Variants in RUNX2 observed in about 807,000 individuals in gnomAD.
RUNX2 encodes the protein RUNX family transcription factor 2, also known as runt-related transcription factor 2.
In RUNX2, 10 loss-of-function variants were observed where a neutral mutation model predicts 51.7. The ratio of observed to expected loss-of-function variants is 0.19; its 90% CI spans 0.12 to 0.33. The LOEUF is 0.33. Among genes scored for constraint, RUNX2 ranks in the 10% least tolerant of loss-of-function variants. RUNX2 has a pLI of 1.00. For synonymous variants in RUNX2, 276 were observed against 273.6 expected, an observed-to-expected ratio of 1.01 and a Z score of -0.09; for missense variants, 562 against 691.3, an observed-to-expected ratio of 0.81 and a Z score of 2.10.
At chr6:45,450,822 A>G (rs1168111115) in intron 5 of RUNX2, among the ~76,000 whole-genome samples, 2 of 152,210 alleles carry the variant, frequency 1.3e-5, no homozygotes, top group African/African-American at 4.8e-5. Flanking sequence ...AGCAATGCCT[A>G]CATGGTTGGG....
At chr6:45,460,063 A>C (rs1002557845) in intron 5 of RUNX2, among the ~76,000 whole-genome samples, 1 of 152,212 alleles carries the variant, frequency 6.6e-6, no homozygotes, top group South Asian at 2.1e-4. Flanking sequence ...CGTGGAAGGC[A>C]CAGATCAAGT....
chr6:45,455,712 A>T (rs1345583245), intron 5 of RUNX2, among the ~76,000 whole-genome samples: 1 of 151,914 alleles, frequency 6.6e-6, no homozygotes, highest in Admixed American at 6.6e-5. Context: ...GTAAAGAGAG[A>T]CTCCCGTGAC....
chr6:45,376,803 T>C (rs1796840770), intron 2 of RUNX2, among the ~76,000 whole-genome samples: 1 of 151,796 alleles, frequency 6.6e-6, no homozygotes, highest in Non-Finnish European at 1.5e-5. Flanking sequence ...TCTTCCAGAG[T>C]CTGCCCTTCA....
chr6:45,355,993 T>C (rs917054207), intron 2 of RUNX2, among the ~76,000 whole-genome samples: 1 of 152,120 alleles, frequency 6.6e-6, no homozygotes, highest in African/African-American at 2.4e-5. Context: ...AATAGAACTC[T>C]ACTAGCCATG....
chr6:45,519,741 T>C (rs752484023), intron 7 of RUNX2, among the ~76,000 whole-genome samples: 9 of 151,774 alleles, frequency 5.9e-5, no homozygotes, highest in Non-Finnish European at 1.2e-4. Flanking sequence ...CATTTCATTC[T>C]ACCCCGAATT....
chr6:45,485,531 TA>T (rs1414323180), intron 5 of RUNX2, among the ~76,000 whole-genome samples: 1 of 151,808 alleles, frequency 6.6e-6, no homozygotes, highest in Non-Finnish European at 1.5e-5. Flanking sequence ...CAGATTCCCA[TA>T]GGTACTGCAT....
intron 5 of RUNX2, among the ~76,000 whole-genome samples, chr6:45,455,519 A>G (rs1799294740): frequency 6.6e-6 from 1 of 152,184 alleles, no homozygotes; most frequent in Non-Finnish European, 1.5e-5. Context: ...AGGGCTTTTG[A>G]GAATGCTAAG....
At chr6:45,532,350 G>A (rs1801885980) in intron 7 of RUNX2, among the ~76,000 whole-genome samples, 1 of 151,812 alleles carries the variant, frequency 6.6e-6, no homozygotes, top group Non-Finnish European at 1.5e-5. Flanking sequence ...GAATTTTAGA[G>A]CAGGGAAACC....
At position 45,437,853 on chromosome 6, in the gene RUNX2, A is replaced by T. The variant is rs77780637; in HGVS notation, c.581-94A>T. On this transcript the variant is annotated intron_variant, in intron 4 of 8. Coordinates refer to ENST00000647337, the MANE Select transcript of RUNX2 (RefSeq NM_001024630.4). ...TCTTTGTTTCATTGCCTCCTTAGAG[A>T]TGCTTAAATGCAATTTGGAAATCTA... The T allele has an allele frequency of 0.012, 11,242 of 911,564 alleles. 783 individuals are homozygous for T. The African/African-American group carries it at 0.16, about 13-fold the overall frequency. The allele number at this position is 911,564 out of a possible 1,614,324, so 56.5% of individuals were successfully genotyped here. A position where few individuals can be genotyped will look rare whatever the true frequency, so the allele number is the denominator to read the frequency against.
At chr6:45,468,465 C>T (rs561279384) in intron 5 of RUNX2, among the ~76,000 whole-genome samples, 4 of 152,278 alleles carry the variant, frequency 2.6e-5, no homozygotes, top group African/African-American at 9.6e-5. Context: ...AAGATTGATG[C>T]AGGTGCATAT....
chr6:45,519,790 ATGTGTGTGTG>A (rs35210688), intron 7 of RUNX2, among the ~76,000 whole-genome samples: 133 of 124,116 alleles, frequency 1.1e-3, no homozygotes, highest in Middle Eastern at 4.0e-3. Flanking sequence ...ATATATATAT[ATGTGTGTGTG>A]TGTGTGTGTG....
In RUNX2 at chr6:45,505,915, C is replaced by A. The variant is rs941352345; in HGVS notation, c.860-6331C>A. ...AATTCCATGCTTGTGACAGACTTTGCCTCGGTTGAAACACATGCTGAAGGG... is the reference window on the plus strand; with the variant it reads ...AATTCCATGCTTGTGACAGACTTTGACTCGGTTGAAACACATGCTGAAGGG... On this transcript the variant is annotated intron_variant, in intron 6 of 8. Transcript: ENST00000647337. Among the ~76,000 whole-genome samples the A allele has an allele frequency of 4.6e-5, 7 of 152,192 alleles. No individual in the cohort carries two copies. In the South Asian group the frequency reaches 1.4e-3, roughly 31 times the overall value.
intron 2 of RUNX2, among the ~76,000 whole-genome samples, chr6:45,407,593 A>T (rs1237239277): frequency 6.6e-6 from 1 of 152,238 alleles, no homozygotes; most frequent in South Asian, 2.1e-4. Flanking sequence ...CCTGGCCTCA[A>T]GAAATTCTCC....
At chr6:45,373,562 T>G (rs1796383650) in intron 2 of RUNX2, among the ~76,000 whole-genome samples, 1 of 152,164 alleles carries the variant, frequency 6.6e-6, no homozygotes, top group Admixed American at 6.5e-5. Context: ...TGTGTGTGTG[T>G]GGTTTTTGAG....
At chr6:45,333,478 G>A (rs1787926148) in intron 2 of RUNX2, among the ~76,000 whole-genome samples, 1 of 151,344 alleles carries the variant, frequency 6.6e-6, no homozygotes, top group Admixed American at 6.6e-5. Context: ...TATTTATTAA[G>A]GGCATAGGAC....
At chr6:45,474,606 C>T (rs978702137) in intron 5 of RUNX2, among the ~76,000 whole-genome samples, 1 of 151,886 alleles carries the variant, frequency 6.6e-6, no homozygotes, top group South Asian at 2.1e-4. Context: ...GTTGGTAATG[C>T]TGGGGAGTTG....
At chr6:45,370,013 A>AC (rs1795792730) in intron 2 of RUNX2, among the ~76,000 whole-genome samples, 1 of 152,200 alleles carries the variant, frequency 6.6e-6, no homozygotes, top group Non-Finnish European at 1.5e-5. Flanking sequence ...ACAGGAGTTT[A>AC]CATTTCACTT....
At chr6:45,367,640 T>A (rs1020167551) in intron 2 of RUNX2, among the ~76,000 whole-genome samples, 4 of 152,162 alleles carry the variant, frequency 2.6e-5, no homozygotes, top group African/African-American at 7.2e-5. Flanking sequence ...CATGTTAAAC[T>A]CAAAGAGTAA....
In RUNX2 at chr6:45,422,693, A is replaced by AAAG. The variant is rs1798238553; in HGVS notation, c.159_160insAAG (p.Gln53_Gln54insLys). On this transcript the variant is annotated inframe_insertion, in exon 3 of 9. Transcript: ENST00000647337. ...TGGTGGCTGCGCAACAGCAGCAGCA[A>AAAG]CAGCAGCAGCAGCAACAGCAGCAGC... 6.9e-6 allele frequency: 11 copies of AAAG among 1,601,486 alleles called. No individual in the cohort carries two copies. The South Asian group carries it at 1.1e-4, about 16-fold the overall frequency.
Sources: gnomAD v4.1 joint callset for allele counts (sites outside exome capture counted in the v4.1 genomes callset) on GRCh38, gnomAD v4.1.1 for gene constraint, MANE v1.5 for transcripts, NCBI Gene and HGNC (gene_info 2026-07-23, HGNC 2026-07-21) for gene names.